The following DIAPH1 variants were observed in gnomAD, a reference collection of about 807,000 sequenced individuals.
DIAPH1 encodes protein diaphanous homolog 1.
A neutral mutation model predicts 140.7 loss-of-function variants in DIAPH1; 46 were observed. That is an observed-to-expected ratio of 0.33 (90% CI 0.26 to 0.42). DIAPH1 has a LOEUF of 0.42. Among genes scored for constraint, DIAPH1 ranks in the 10% least tolerant of loss-of-function variants. The pLI is 1.00. For synonymous variants in DIAPH1, 565 were observed against 551.6 expected, an observed-to-expected ratio of 1.02 and a Z score of -0.34; for missense variants, 1,310 against 1,558.7, an observed-to-expected ratio of 0.84 and a Z score of 2.69.
At chr5:141,540,612 C>T (rs1004994373) in intron 18 of DIAPH1, among the ~76,000 whole-genome samples, 5 of 151,596 alleles carry the variant, frequency 3.3e-5, no homozygotes, top group Admixed American at 6.6e-5. Flanking sequence ...GATGGGGTTT[C>T]GCCATGTTGG....
At chr5:141,517,392 G>A (rs2099885851) in intron 27 of DIAPH1, among the ~76,000 whole-genome samples, 2 of 152,172 alleles carry the variant, frequency 1.3e-5, no homozygotes, top group Admixed American at 1.3e-4. Context: ...TTAGTACATA[G>A]TATTATTTTT....
intron 7 of DIAPH1, 149 bp downstream of exon 7, chr5:141,582,163 A>G: frequency 3.0e-6 from 2 of 660,128 alleles, no homozygotes; most frequent in Admixed American, 4.6e-5. Context: ...AGAAGCATGT[A>G]TATGTGGCAA....
At chr5:141,618,639 G>A (rs1427928712) in intron 1 of DIAPH1, 159 bp downstream of exon 1, 4 of 539,934 alleles carry the variant, frequency 7.4e-6, no homozygotes, top group East Asian at 3.6e-5. Context: ...GGTCCCGAAG[G>A]GAGAGGATGT....
chr5:141,582,084 AAAAG>A (rs2099896862), intron 7 of DIAPH1: 13 of 412,782 alleles, frequency 3.1e-5, no homozygotes, highest in South Asian at 7.3e-5. Context: ...AAAAAAAAAA[AAAAG>A]AGAGAGAAAC....
chr5:141,552,963 C>G (rs1402351306), intron 18 of DIAPH1, among the ~76,000 whole-genome samples: 1 of 152,186 alleles, frequency 6.6e-6, no homozygotes, highest in Non-Finnish European at 1.5e-5. Context: ...CTTACGGCAG[C>G]CCTAGCAAAC....
intron 1 of DIAPH1, among the ~76,000 whole-genome samples, chr5:141,609,638 T>G (rs1267470644): frequency 6.6e-6 from 1 of 152,250 alleles, no homozygotes; most frequent in Non-Finnish European, 1.5e-5. Flanking sequence ...TACAGTTAAG[T>G]ATGCAACAAA....
Position 141,577,441 on chromosome 5 carries a change from A to G in DIAPH1, c.1280+34T>C, listed in dbSNP as rs754277928. The G allele has an allele frequency of 3.5e-6, 5 of 1,448,182 alleles. No homozygotes were observed. In the Middle Eastern group the frequency reaches 5.2e-4, roughly 150 times the overall value. 89.7% of individuals were successfully genotyped at this position (1,448,182 alleles called of 1,614,324 possible). On this transcript the variant is annotated intron_variant, in intron 12 of 27. Coordinates refer to ENST00000389054, the MANE Select transcript of DIAPH1 (RefSeq NM_005219.5). ...GAATTCACTCTCTCCACTTAGGCTCAAATTCAAAACTTCTCATAAGCACAG... is the reference window on the plus strand; with the variant it reads ...GAATTCACTCTCTCCACTTAGGCTCGAATTCAAAACTTCTCATAAGCACAG...
Position 141,618,803 on chromosome 5 carries a change from T to C in DIAPH1, c.112A>G (p.Lys38Glu). The change falls in exon 1 of 28, where the codon AAA becomes GAA. Residue 38 changes from lysine (K) to glutamate (E), a missense_variant. Lys to Glu is a moderately conservative substitution (Grantham distance 56, BLOSUM62 1). Transcript: ENST00000389054. ...GGGATGGGAGGGACACTCACAAATT[T>C]CTTAGATTTGCCGCCGTCGCCGCCC... ...SAGGDGGKSKKFTLKRLMADE... is the reference protein window; with the variant it reads ...SAGGDGGKSKEFTLKRLMADE... The C allele has an allele frequency of 1.3e-6, 2 of 1,553,282 alleles. No individual in the cohort carries two copies. The highest frequency in any genetic ancestry group is 1.7e-6 in the Non-Finnish European group (2 of 1,148,722).
At chr5:141,529,516 G>C (rs2154595018) in intron 20 of DIAPH1, 87 bp downstream of exon 20, 1 of 1,136,064 alleles carries the variant, frequency 8.8e-7, no homozygotes, top group Non-Finnish European at 1.3e-6. Context: ...CAATGCTGGA[G>C]GAGGATCCTC....
At chr5:141,547,697 C>T (rs1047782923) in intron 18 of DIAPH1, among the ~76,000 whole-genome samples, 2 of 151,982 alleles carry the variant, frequency 1.3e-5, no homozygotes, top group African/African-American at 4.8e-5. Flanking sequence ...AATGGTCCAA[C>T]ATATGTATAA....
chr5:141,523,590 T>A (rs1029167827), intron 27 of DIAPH1, among the ~76,000 whole-genome samples: 4 of 152,118 alleles, frequency 2.6e-5, no homozygotes, highest in Admixed American at 6.5e-5. Context: ...AGAGGCTAAC[T>A]GCACTCAAGG....
intron 1 of DIAPH1, among the ~76,000 whole-genome samples, chr5:141,610,085 G>A (rs1004503207): frequency 6.6e-6 from 1 of 152,274 alleles, no homozygotes; most frequent in Non-Finnish European, 1.5e-5. Flanking sequence ...ATCACTTGAC[G>A]CTAGGAGTTC....
chr5:141,551,151 T>C (rs2099891621), intron 18 of DIAPH1, among the ~76,000 whole-genome samples: 1 of 152,212 alleles, frequency 6.6e-6, no homozygotes, highest in Non-Finnish European at 1.5e-5. Flanking sequence ...ATGGACCTGT[T>C]ATTAGAAAAC....
At chr5:141,517,251 A>G (rs2099885824) in intron 27 of DIAPH1, among the ~76,000 whole-genome samples, 4 of 152,240 alleles carry the variant, frequency 2.6e-5, no homozygotes, top group Admixed American at 2.6e-4. Context: ...CCCTGTGTGA[A>G]AACAGCACAA....
Position 141,590,040 on chromosome 5 carries a change from C to G in DIAPH1, c.118-1790G>C, listed in dbSNP as rs138764782. ...AGCTGGGATTGCAGGTGCATACCAC[C>G]GTACCCAGTTGGTAAATGCTTCTTG... is the stretch of plus-strand genomic sequence containing the variant. On this transcript the variant is annotated intron_variant, in intron 1 of 27. Coordinates refer to ENST00000389054, the MANE Select transcript of DIAPH1 (RefSeq NM_005219.5). 2.6e-5 allele frequency among the ~76,000 whole-genome samples: 4 copies of G among 152,016 alleles called. No individual in the cohort carries two copies. In the South Asian group the frequency reaches 8.3e-4, roughly 32 times the overall value.
At chr5:141,546,424 G>A (rs1177577311) in intron 18 of DIAPH1, among the ~76,000 whole-genome samples, 5 of 152,120 alleles carry the variant, frequency 3.3e-5, no homozygotes, top group African/African-American at 1.2e-4. Flanking sequence ...TTAGGAGGCC[G>A]AGGCAGGTGG....
At chr5:141,522,816 G>A (rs527918276) in intron 27 of DIAPH1, among the ~76,000 whole-genome samples, 4 of 152,196 alleles carry the variant, frequency 2.6e-5, no homozygotes, top group South Asian at 2.1e-4. Flanking sequence ...TTCTCCCCAC[G>A]CTTTAGAAAG....
chr5:141,616,948 C>T (rs2099902779), intron 1 of DIAPH1, among the ~76,000 whole-genome samples: 1 of 152,178 alleles, frequency 6.6e-6, no homozygotes, highest in African/African-American at 2.4e-5. Context: ...TCAGGTTTCT[C>T]ACCTTACAGT....
intron 1 of DIAPH1, among the ~76,000 whole-genome samples, chr5:141,595,244 T>C (rs965453591): frequency 1.3e-5 from 2 of 152,148 alleles, no homozygotes; most frequent in African/African-American, 4.8e-5. Context: ...CTCTGTATGA[T>C]ACTATAGTGA....
Sources: gnomAD v4.1 joint callset for allele counts (sites outside exome capture counted in the v4.1 genomes callset) on GRCh38, gnomAD v4.1.1 for gene constraint, MANE v1.5 for transcripts, NCBI Gene and HGNC (gene_info 2026-07-23, HGNC 2026-07-21) for gene names.